The following PLCE1 variants were observed in gnomAD, a reference collection of about 807,000 sequenced individuals.
PLCE1 encodes the protein 1-phosphatidylinositol 4,5-bisphosphate phosphodiesterase epsilon-1.
Under a neutral mutation model 242.8 loss-of-function variants are expected in PLCE1, and 119 were observed. That is an observed-to-expected ratio of 0.49 (90% confidence interval 0.42 to 0.57). The LOEUF (loss-of-function observed/expected upper bound fraction) is 0.57, where lower values mean the gene tolerates loss of function less well. Among genes scored for constraint, PLCE1 ranks in the 20% least tolerant of loss-of-function variants. The pLI is 0.00. For synonymous variants in PLCE1, 945 were observed against 1,017.4 expected, an observed-to-expected ratio of 0.93 and a Z score of 1.35; for missense variants, 2,441 against 2,788.8, an observed-to-expected ratio of 0.88 and a Z score of 2.81.
intron 2 of PLCE1, chr10:94,100,779 T>C (rs1398198108): frequency 2.0e-5 from 3 of 152,152 alleles, no homozygotes; most frequent in Non-Finnish European, 4.4e-5. Flanking sequence ...TGCAGACCAC[T>C]ATGGAAGATG....
At chr10:94,154,141 G>A (rs1333787293) in intron 3 of PLCE1, among the ~76,000 whole-genome samples, 2 of 152,128 alleles carry the variant, frequency 1.3e-5, no homozygotes, top group Admixed American at 6.5e-5. Context: ...CAATGGAATA[G>A]AACACAGAGC....
At chr10:94,040,011 G>A (rs971395234) in intron 2 of PLCE1, among the ~76,000 whole-genome samples, 2 of 152,204 alleles carry the variant, frequency 1.3e-5, no homozygotes, top group African/African-American at 4.8e-5. Context: ...AAGTGGCAAA[G>A]GAGGTTTACA....
At chr10:94,294,909 C>CTTTTTTTTT (rs766555881) in intron 23 of PLCE1, among the ~76,000 whole-genome samples, 3 of 101,494 alleles carry the variant, frequency 3.0e-5, no homozygotes, top group Non-Finnish European at 3.8e-5. Flanking sequence ...CATGATAGAA[C>CTTTTTTTTT]TTTTTTTTTT....
At chr10:94,174,358 A>T (rs1344455846) in intron 4 of PLCE1, among the ~76,000 whole-genome samples, 1 of 152,252 alleles carries the variant, frequency 6.6e-6, no homozygotes, top group Non-Finnish European at 1.5e-5. Context: ...TGAGAAAAAT[A>T]GAAAATCATC....
At chr10:94,221,554 T>C (rs1234577869) in intron 4 of PLCE1, among the ~76,000 whole-genome samples, 1 of 152,152 alleles carries the variant, frequency 6.6e-6, no homozygotes, top group Non-Finnish European at 1.5e-5. Context: ...CTGACCAACA[T>C]GGAGAAACCC....
chr10:94,142,116 G>A (rs2136022133), intron 3 of PLCE1, among the ~76,000 whole-genome samples: 1 of 152,258 alleles, frequency 6.6e-6, no homozygotes, highest in Non-Finnish European at 1.5e-5. Flanking sequence ...TCAACATTGG[G>A]TCATCCTATT....
intron 2 of PLCE1, among the ~76,000 whole-genome samples, chr10:94,076,251 G>A (rs2044497553): frequency 1.3e-5 from 2 of 152,084 alleles, no homozygotes; most frequent in South Asian, 4.1e-4. Flanking sequence ...TTAGAGAGAA[G>A]AGTGTTTAGT....
At chr10:94,059,148 G>T (rs1419300126) in intron 2 of PLCE1, among the ~76,000 whole-genome samples, 1 of 152,204 alleles carries the variant, frequency 6.6e-6, no homozygotes, top group Non-Finnish European at 1.5e-5. Context: ...CATGTGGAAA[G>T]GAAAGAGCTG....
At chr10:94,176,325 G>T (rs372156107) in intron 4 of PLCE1, among the ~76,000 whole-genome samples, 18 of 152,246 alleles carry the variant, frequency 1.2e-4, no homozygotes, top group East Asian at 5.8e-4. Flanking sequence ...GCCTGATCCT[G>T]GGAGGTCGAG....
chr10:94,224,956 G>A (rs1012865351), intron 4 of PLCE1, among the ~76,000 whole-genome samples: 1 of 152,186 alleles, frequency 6.6e-6, no homozygotes, highest in African/African-American at 2.4e-5. Flanking sequence ...TCTGATTCCA[G>A]ACCTGTTCTC....
intron 1 of PLCE1, among the ~76,000 whole-genome samples, chr10:94,023,220 T>A (rs1189635962): frequency 6.6e-6 from 1 of 152,136 alleles, no homozygotes; most frequent in Non-Finnish European, 1.5e-5. Flanking sequence ...CACAGAGGCA[T>A]TAAGTGCTAG....
chr10:94,002,746 A>G (rs2060955853), intron 1 of PLCE1, among the ~76,000 whole-genome samples: 2 of 152,208 alleles, frequency 1.3e-5, no homozygotes, highest in African/African-American at 4.8e-5. Flanking sequence ...TAAGAGACTC[A>G]TGGATTTGTC....
At chr10:94,217,175 C>G (rs10882406) in intron 4 of PLCE1, among the ~76,000 whole-genome samples, 1 of 151,152 alleles carries the variant, frequency 6.6e-6, no homozygotes, top group African/African-American at 2.4e-5. Flanking sequence ...TCTCACCTTT[C>G]TCATCTGTAA....
At chr10:94,041,859 C>G (rs532905299) in intron 2 of PLCE1, among the ~76,000 whole-genome samples, 1 of 152,186 alleles carries the variant, frequency 6.6e-6, no homozygotes, top group South Asian at 2.1e-4. Flanking sequence ...TGGTAAGAGA[C>G]CTGAAACAGC....
intron 1 of PLCE1, among the ~76,000 whole-genome samples, chr10:94,007,621 A>C (rs1276274772): frequency 7.2e-6 from 1 of 139,582 alleles, no homozygotes; most frequent in Non-Finnish European, 1.5e-5. Context: ...CAGAAGAGTG[A>C]ATACATTCTT....
chr10:94,161,825 G>A (rs1408655976), intron 3 of PLCE1, among the ~76,000 whole-genome samples: 8 of 151,928 alleles, frequency 5.3e-5, no homozygotes, highest in Admixed American at 2.6e-4. Context: ...TTTGAGATAC[G>A]TCCCATCAAT....
intron 1 of PLCE1, among the ~76,000 whole-genome samples, chr10:94,026,201 T>G (rs1589873859): frequency 6.6e-6 from 1 of 152,272 alleles, no homozygotes; most frequent in East Asian, 1.9e-4. Flanking sequence ...CTTATACCTT[T>G]CATTTATTTT....
At chr10:94,079,828 C>T (rs2044605953) in intron 2 of PLCE1, among the ~76,000 whole-genome samples, 1 of 152,150 alleles carries the variant, frequency 6.6e-6, no homozygotes, top group South Asian at 2.1e-4. Flanking sequence ...TTTGCTGCCT[C>T]CTAGCTCTCG....
chr10:94,120,648 T>G (rs1335936430), intron 2 of PLCE1: 1 of 152,210 alleles, frequency 6.6e-6, no homozygotes, highest in East Asian at 1.9e-4. Flanking sequence ...TAGAGGAGGA[T>G]CTCTGCTTGC....
Sources: allele counts gnomAD v4.1 joint callset (sites outside exome capture counted in the v4.1 genomes callset), GRCh38; gene constraint gnomAD v4.1.1; transcripts MANE v1.5; gene names NCBI Gene and HGNC (gene_info 2026-07-23, HGNC 2026-07-21).